EIF2D: variants seen among roughly 807,000 people sequenced by gnomAD.
The protein encoded by EIF2D is hepatocellular carcinoma-associated antigen 56.
A neutral mutation model predicts 77.4 loss-of-function variants in EIF2D; 56 were observed. The observed-to-expected ratio is 0.72, with a 90% CI of 0.58 to 0.90. The LOEUF (loss-of-function observed/expected upper bound fraction) is 0.90, where lower values mean the gene tolerates loss of function less well. Among genes scored for constraint, EIF2D ranks in the 40% least tolerant of loss-of-function variants. The pLI is 0.00. For missense variants in EIF2D, 574 were observed against 706.5 expected (o/e 0.81, Z 2.13); for synonymous variants, 230 against 271.0 (o/e 0.85, Z 1.49).
At chr1:206,600,410 C>A in intron 7 of EIF2D, 102 bp from the exon 8 acceptor site, 2 of 1,076,592 alleles carry the variant, frequency 1.9e-6, no homozygotes, top group Non-Finnish European at 2.8e-6. Flanking sequence ...CCTCCCCCAC[C>A]TTCAGAGAGA....
intron 2 of EIF2D, chr1:206,583,422 C>T: frequency 2.2e-6 from 3 of 1,382,402 alleles, no homozygotes; most frequent in Non-Finnish European, 3.1e-6. Context: ...GCTCCACCAC[C>T]CGCTTCGGGT....
Position 206,611,363 on chromosome 1 carries a change from C to T in EIF2D, c.68G>A (p.Arg23Gln), listed in dbSNP as rs781806458. 3.4e-5 allele frequency: 55 copies of T among 1,613,394 alleles called. No homozygotes were observed. Among genetic ancestry groups the T allele is most frequent in the East Asian group, 3.1e-4 (14 of 44,874 alleles). Residue 23 changes from arginine (R) to glutamine (Q), a missense_variant, in exon 2 of 15, where the codon CGA becomes CAA. Arg to Gln is a conservative substitution (Grantham distance 43, BLOSUM62 1). Coordinates refer to ENST00000271764, the MANE Select transcript of EIF2D (RefSeq NM_006893.3). ...AIKGSDRRKL[R>Q]ADVTTAFPTL... ...GGGGAAAGCAGTTGTCACATCAGCT[C>T]GAAGCTTTCTCCTGTGGAAAGCACA...
downstream of EIF2D, among the ~76,000 whole-genome samples, chr1:206,569,184 G>T (rs1259231613): frequency 4.6e-5 from 7 of 152,232 alleles, no homozygotes; most frequent in Admixed American, 4.6e-4. Flanking sequence ...TTTATTTAAC[G>T]TGTATTCGCG....
At position 206,586,609 on chromosome 1, in the gene EIF2D, C is replaced by T. The variant is rs1669122920; in HGVS notation, c.139-5447G>A. 11 of 531,108 alleles carry T rather than the reference C, an allele frequency of 2.1e-5. 1 individual carries two copies. In the South Asian group the frequency reaches 2.1e-4, roughly 10 times the overall value. 32.9% of individuals were successfully genotyped at this position (531,108 alleles called of 1,614,324 possible). A position where few individuals can be genotyped will look rare whatever the true frequency, so the allele number is the denominator to read the frequency against. On this transcript the variant is annotated intron_variant and NMD_transcript_variant, in intron 2 of 5. Transcript: ENST00000472709. ...AAAAACATGGTTCATAGACTGGCAA[C>T]TCTTGGTCATGAGATGCCAGCATTT...
chr1:206,609,317 A>C, intron 3 of EIF2D, 59 bp downstream of exon 3: 1 of 1,480,838 alleles, frequency 6.8e-7, no homozygotes, highest in Non-Finnish European at 9.4e-7. Context: ...TTATTACATC[A>C]GTTGGCTTTT....
At position 206,598,992 on chromosome 1, in the gene EIF2D, C is replaced by T. The variant is rs782436463; in HGVS notation, c.1292+11G>A. Reference sequence around the variant, plus strand: ...CCAATAAGACAGATCTGGTGCTTCTCATGCACTCACTTTTTGTTGTCTGCA... The same window carrying T: ...CCAATAAGACAGATCTGGTGCTTCTTATGCACTCACTTTTTGTTGTCTGCA... On this transcript the variant is annotated intron_variant, in intron 11 of 14. Coordinates refer to ENST00000271764, the MANE Select transcript of EIF2D (RefSeq NM_006893.3). 6.2e-7 allele frequency: 1 copy of T among 1,613,800 alleles called. No individual in the cohort carries two copies. The highest frequency in any genetic ancestry group is 1.1e-5 in the South Asian group (1 of 91,046).
intron 5 of EIF2D, 118 bp from the exon 6 acceptor site, chr1:206,603,322 AG>A (rs1670023307): frequency 1.4e-6 from 2 of 1,393,708 alleles, no homozygotes; most frequent in African/African-American, 1.4e-5. Context: ...AGGAGTGGCC[AG>A]GAGGGGGCAG....
chr1:206,599,736 G>A lies in EIF2D; in HGVS notation c.1049C>T (p.Pro350Leu), dbSNP rs199944579. Residue 350 changes from proline (P) to leucine (L), a missense_variant, in exon 9 of 15, where the codon CCG (proline) becomes CTG (leucine). Physicochemically the swap from Pro to Leu is moderately conservative, Grantham distance 98. Coordinates refer to ENST00000271764, the MANE Select transcript of EIF2D (RefSeq NM_006893.3). The surrounding 1 kb of genome is among the most constrained non-coding windows in gnomAD (Gnocchi z 4.1). Reference sequence around the variant, plus strand: ...GTGACAGGCCCCCTGCACTCACCTCGGGTGTTTCCAGTCCACAGCCACAAT... The same window carrying A: ...GTGACAGGCCCCCTGCACTCACCTCAGGTGTTTCCAGTCCACAGCCACAAT... ...ESIVAVDWKH[P>L]RITSFVIPEP... The A allele has an allele frequency of 4.2e-5, 68 of 1,614,096 alleles. No individual in the cohort carries two copies. The highest frequency in any genetic ancestry group is 5.0e-5 in the Non-Finnish European group (59 of 1,179,998).
At chr1:206,595,890 C>T (rs1669623019) in intron 12 of EIF2D, 52 bp from the exon 13 acceptor site, 1 of 1,599,512 alleles carries the variant, frequency 6.3e-7, no homozygotes, top group Admixed American at 1.7e-5. Context: ...GAAACCATTT[C>T]CTCATACCCC....
In EIF2D at chr1:206,599,243, C is replaced by T. The variant is rs1669803054; in HGVS notation, c.1203-151G>A. ...TTTTCCTGACTGAAGTGAGCATGAC[C>T]ATGTGAAGAATAATTACACGCAGAA... On this transcript the variant is annotated intron_variant, in intron 10 of 14. Transcript: ENST00000271764. This position sits in a 1 kb window ranked among gnomAD's most constrained non-coding sequence, Gnocchi z 4.1. 2 of 882,980 alleles carry T rather than the reference C, an allele frequency of 2.3e-6. No individual in the cohort carries two copies. The highest frequency in any genetic ancestry group is 3.5e-6 in the Non-Finnish European group (2 of 572,858). 54.7% of individuals were successfully genotyped at this position (882,980 alleles called of 1,614,324 possible).
Position 206,583,303 on chromosome 1 carries a change from C to T in EIF2D, c.139-2141G>A, listed in dbSNP as rs782190148. ...AAACCTGTGGAGGAGACACAGCGCC[C>T]GCCCACACTGCAGGAGATCAAGCAG... is the stretch of plus-strand genomic sequence containing the variant. On this transcript the variant is annotated intron_variant and NMD_transcript_variant, in intron 2 of 5. Coordinates refer to the EIF2D transcript ENST00000472709. 1.1e-5 allele frequency: 18 copies of T among 1,613,680 alleles called. No homozygotes were observed. The African/African-American group carries it at 1.9e-4, about 17-fold the overall frequency.
intron 5 of EIF2D, chr1:206,604,636 AG>A (rs1670096325): frequency 6.7e-6 from 1 of 149,354 alleles, no homozygotes; most frequent in South Asian, 2.2e-4. Context: ...CAGGAGGCTG[AG>A]GCAGGAGAAT....
intron 13 of EIF2D, chr1:206,594,761 C>T (rs1669555154): frequency 6.6e-6 from 1 of 152,054 alleles, no homozygotes; most frequent in Non-Finnish European, 1.5e-5. Context: ...TTATGAAGCA[C>T]CAATTTCAAT....
In EIF2D at chr1:206,599,020, A is replaced by T. The variant is rs782408345; in HGVS notation, c.1275T>A (p.Val425=). The change falls in exon 11 of 15, where the codon GTT becomes GTA. Residue 425 remains valine, a synonymous_variant. Transcript: ENST00000271764. This position sits in a 1 kb window ranked among gnomAD's most constrained non-coding sequence, Gnocchi z 4.1. ...GCACTCACTTTTTGTTGTCTGCATC[A>T]ACCAGGTCATTTTTCTTGGCGTAGT... The part of the protein sequence containing the change: ...VINYAKKNDL[V]DADNKNLVRL... 3 of 1,614,130 alleles carry T rather than the reference A, an allele frequency of 1.9e-6. No homozygotes were observed. In the South Asian group the frequency reaches 3.3e-5, roughly 18 times the overall value.
chr1:206,601,087 A>G (rs183023833), intron 7 of EIF2D: 31 of 152,192 alleles, frequency 2.0e-4, no homozygotes, highest in African/African-American at 7.0e-4. Context: ...ATCCTATCCT[A>G]CAGAATATTC....
downstream of EIF2D, chr1:206,587,674 T>C (rs1250271066): frequency 6.5e-6 from 1 of 152,920 alleles, no homozygotes; most frequent in African/African-American, 2.4e-5. Context: ...GGCATATATC[T>C]GCGTATGTGT....
At chr1:206,574,375 C>T (rs183591831) in intron 4 of EIF2D, among the ~76,000 whole-genome samples, 129 of 152,304 alleles carry the variant, frequency 8.5e-4, no homozygotes, top group Middle Eastern at 6.8e-3. Flanking sequence ...ATCCCATCTG[C>T]GTCATCTCTC....
chr1:206,598,807 G>C (rs1361131023), intron 11 of EIF2D, among the ~76,000 whole-genome samples, 196 bp downstream of exon 11: 1 of 150,516 alleles, frequency 6.6e-6, no homozygotes, highest in Non-Finnish European at 1.5e-5. Context: ...AGTCAATGTT[G>C]ATCGTATACA....
At chr1:206,574,191 G>A (rs920220441) in intron 4 of EIF2D, among the ~76,000 whole-genome samples, 11 of 152,220 alleles carry the variant, frequency 7.2e-5, no homozygotes, top group Admixed American at 2.6e-4. Context: ...AGGGGACCCC[G>A]TGTCCAGACT....
Sources: gnomAD v4.1 joint callset for allele counts (sites outside exome capture counted in the v4.1 genomes callset) on GRCh38, gnomAD v4.1.1 for gene constraint, Gnocchi (gnomAD v3.1) non-coding constraint, MANE v1.5 for transcripts, NCBI Gene and HGNC (gene_info 2026-07-23, HGNC 2026-07-21) for gene names.